SYNE3: variants seen among roughly 807,000 people sequenced by gnomAD.
SYNE3 encodes the protein nesprin-3.
A neutral mutation model predicts 111.2 loss-of-function variants in SYNE3; 100 were observed. That is an observed-to-expected ratio of 0.90 (90% CI 0.77 to 1.06). The LOEUF (loss-of-function observed/expected upper bound fraction) is 1.06, where lower values mean the gene tolerates loss of function less well. Among genes scored for constraint, SYNE3 ranks in the 50% least tolerant of loss-of-function variants. The pLI is 0.00. For synonymous variants in SYNE3, 547 were observed against 533.9 expected (o/e 1.02, Z -0.34); for missense variants, 1,160 against 1,240.3 (o/e 0.94, Z 0.97).
At position 95,450,079 on chromosome 14, in the gene SYNE3, C is replaced by T. The variant is rs183604014; in HGVS notation, c.1301G>A (p.Arg434His). The T allele has an allele frequency of 1.0e-4, 165 of 1,574,176 alleles. No homozygotes were observed. The East Asian group carries it at 3.5e-3, about 33-fold the overall frequency. ...QSLKVKSARL[R>H]NAAAVELWQH... The stretch of plus-strand genomic sequence containing the variant: ...CCACAGCTCCACCGCCGCGGCATTG[C>T]GCAGCCTCGCGCTCTTCACCTTCAG... The change falls in exon 8 of 18, where the codon CGC becomes CAC. Residue 434 changes from arginine to histidine, a missense_variant. Arg to His is a conservative substitution (Grantham distance 29, BLOSUM62 0). Coordinates refer to ENST00000682763, the MANE Select transcript of SYNE3 (RefSeq NM_152592.6).
intron 4 of SYNE3, among the ~76,000 whole-genome samples, chr14:95,464,576 A>G (rs1017573475): frequency 3.9e-5 from 6 of 152,256 alleles, no homozygotes; most frequent in Admixed American, 3.9e-4. Context: ...GGCCTATTGT[A>G]TGATTCTGGC....
At position 95,443,239 on chromosome 14, in the gene SYNE3, C is replaced by T; in HGVS notation, c.1827G>A (p.Arg609=). 2 of 1,614,224 alleles carry T rather than the reference C, an allele frequency of 1.2e-6. No individual in the cohort carries two copies. Among genetic ancestry groups the T allele is most frequent in the South Asian group, 1.1e-5 (1 of 91,084 alleles). Residue 609 remains arginine (R), a synonymous_variant, in exon 11 of 18, where the codon AGG becomes AGA. Transcript: ENST00000682763. Reference sequence around the variant, plus strand: ...GGTTGGGGTTCTCCTGGACCAGAGGCCTTGCAGCCTCCATCTGTGCCCCCA... The same window carrying T: ...GGTTGGGGTTCTCCTGGACCAGAGGTCTTGCAGCCTCCATCTGTGCCCCCA... The part of the protein sequence containing the change: ...LDLGAQMEAA[R]PLVQENPNHQ...
intron 1 of SYNE3, among the ~76,000 whole-genome samples, chr14:95,481,372 A>G (rs1889240929): frequency 6.6e-6 from 1 of 152,154 alleles, no homozygotes; most frequent in African/African-American, 2.4e-5. Context: ...CCAGCTATGA[A>G]CCAGGAGGGT....
intron 13 of SYNE3, 49 bp downstream of exon 13, chr14:95,439,563 G>A: frequency 1.9e-6 from 3 of 1,596,494 alleles, no homozygotes; most frequent in East Asian, 2.2e-5. Flanking sequence ...CCCTGAGTGA[G>A]AAGGGGCAGT....
At chr14:95,440,947 C>G (rs1215057308) in intron 11 of SYNE3, among the ~76,000 whole-genome samples, 1 of 152,202 alleles carries the variant, frequency 6.6e-6, no homozygotes, top group Non-Finnish European at 1.5e-5. Flanking sequence ...TTCCTGAGTA[C>G]TGTTTCCTGG....
At chr14:95,446,617 C>T (rs2139411767) in intron 8 of SYNE3, among the ~76,000 whole-genome samples, 1 of 152,302 alleles carries the variant, frequency 6.6e-6, no homozygotes, top group South Asian at 2.1e-4. Context: ...AAGGGAGCTA[C>T]AGGCCTGTAG....
chr14:95,462,833 G>C (rs1271617657), intron 4 of SYNE3, among the ~76,000 whole-genome samples: 1 of 152,238 alleles, frequency 6.6e-6, no homozygotes, highest in Admixed American at 6.5e-5. Flanking sequence ...GGCCGCTGGT[G>C]TCTGACGCAC....
intron 1 of SYNE3, among the ~76,000 whole-genome samples, chr14:95,479,993 C>A (rs1245764300): frequency 6.6e-6 from 1 of 152,134 alleles, no homozygotes. Context: ...GCAGAGCCAG[C>A]ATGCCTCTCT....
intron 1 of SYNE3, among the ~76,000 whole-genome samples, chr14:95,481,671 C>G (rs1387059912): frequency 1.3e-5 from 2 of 152,210 alleles, no homozygotes; most frequent in Admixed American, 1.3e-4. Context: ...GGGGTCAGCT[C>G]TCCTGTGACC....
intron 17 of SYNE3, among the ~76,000 whole-genome samples, chr14:95,418,728 G>A (rs569898756): frequency 4.3e-4 from 65 of 151,902 alleles, no homozygotes; most frequent in African/African-American, 8.2e-4. Context: ...TCAGCCTCCC[G>A]GGTAGCTGGG....
Position 95,469,531 on chromosome 14 carries a change from CAAAAAAAAAAA to C in SYNE3, c.145-1575_145-1565del, listed in dbSNP as rs71132350. Among the ~76,000 whole-genome samples, 10 of 99,458 alleles carry C rather than the reference CAAAAAAAAAAA, an allele frequency of 1.0e-4. No homozygotes were observed. The Admixed American group carries it at 1.0e-3, about 10-fold the overall frequency. 65.2% of individuals were successfully genotyped at this position (99,458 alleles called of 152,430 possible). ...ACAACACAGTGAGACCATGTCTCTA[CAAAAAAAAAAA>C]AAAAAAAAAAAATTAAAAATTAGCC... On this transcript the variant is annotated intron_variant, in intron 2 of 17. Transcript: ENST00000682763.
intron 2 of SYNE3, among the ~76,000 whole-genome samples, chr14:95,469,763 C>T (rs906857551): frequency 6.6e-6 from 1 of 152,020 alleles, no homozygotes; most frequent in East Asian, 1.9e-4. Flanking sequence ...ATGAATTAAA[C>T]ATGGGTATAA....
Position 95,408,968 on chromosome 14 carries a change from C to A in SYNE3, c.*8858G>T. On this transcript the variant is annotated 3_prime_UTR_variant, in exon 18 of 18. Coordinates refer to ENST00000682763, the MANE Select transcript of SYNE3 (RefSeq NM_152592.6). ...CCCCTGGGACCTCATCCTGGTGTTG[C>A]CAGCTCCCTTCAGCGGTGGGAGTCA... 2.8e-6 allele frequency: 1 copy of A among 363,090 alleles called. No homozygotes were observed. Among genetic ancestry groups the A allele is most frequent in the South Asian group, 2.0e-5 (1 of 49,056 alleles). The allele number at this position is 363,090 out of a possible 1,614,324, so 22.5% of individuals were successfully genotyped here.
intron 17 of SYNE3, among the ~76,000 whole-genome samples, chr14:95,419,106 CT>C (rs1884927410): frequency 6.6e-6 from 1 of 152,212 alleles, no homozygotes; most frequent in African/African-American, 2.4e-5. Context: ...TCTGGAGGGA[CT>C]GGCCAGGTTG....
chr14:95,459,981 C>T (rs1887687955), intron 4 of SYNE3, among the ~76,000 whole-genome samples: 1 of 151,646 alleles, frequency 6.6e-6, no homozygotes, highest in African/African-American at 2.4e-5. Context: ...CTTGTAGTCC[C>T]AGCTACTTGG....
At chr14:95,477,679 G>A (rs1008683541) in intron 1 of SYNE3, among the ~76,000 whole-genome samples, 5 of 152,144 alleles carry the variant, frequency 3.3e-5, no homozygotes, top group African/African-American at 1.2e-4. Flanking sequence ...GCGACGTAGC[G>A]GGCTGTGCTC....
chr14:95,491,829 G>A (rs887416034), intron 1 of SYNE3, among the ~76,000 whole-genome samples: 3 of 147,292 alleles, frequency 2.0e-5, no homozygotes, highest in African/African-American at 7.4e-5. Context: ...CCCACAGAAT[G>A]GAACAAAATT....
At chr14:95,431,498 C>A (rs1885759112) in intron 17 of SYNE3, among the ~76,000 whole-genome samples, 1 of 152,186 alleles carries the variant, frequency 6.6e-6, no homozygotes, top group Non-Finnish European at 1.5e-5. Context: ...AATAATCATA[C>A]CTATTACTCA....
Position 95,410,710 on chromosome 14 carries a change from A to G in SYNE3, c.*7116T>C, listed in dbSNP as rs1038257425. 1 of 151,320 alleles carries G rather than the reference A, an allele frequency of 6.6e-6. No homozygotes were observed. Among genetic ancestry groups the G allele is most frequent in the South Asian group, 2.1e-4 (1 of 4,832 alleles). The allele number at this position is 151,320 out of a possible 1,614,324, so 9.4% of individuals were successfully genotyped here. A position where few individuals can be genotyped will look rare whatever the true frequency, so the allele number is the denominator to read the frequency against. On this transcript the variant is annotated 3_prime_UTR_variant, in exon 18 of 18. Coordinates refer to ENST00000682763, the MANE Select transcript of SYNE3 (RefSeq NM_152592.6). The stretch of plus-strand genomic sequence containing the variant: ...ACTTCTCAGGAGGAGAGAAAAGTAA[A>G]GTCTCTGACTGGTTTAAGCCAAAGT...
Sources: gnomAD v4.1 joint callset for allele counts (sites outside exome capture counted in the v4.1 genomes callset) on GRCh38, gnomAD v4.1.1 for gene constraint, MANE v1.5 for transcripts, NCBI Gene and HGNC (gene_info 2026-07-23, HGNC 2026-07-21) for gene names.